CERS3: variants seen among roughly 807,000 people sequenced by gnomAD.
CERS3 encodes the protein LAG1 homolog, ceramide synthase 3.
A neutral mutation model predicts 50.3 loss-of-function variants in CERS3; 33 were observed. That is an observed-to-expected ratio of 0.66 (90% CI 0.50 to 0.88). The LOEUF (loss-of-function observed/expected upper bound fraction) is 0.88. CERS3 is among the 40% of genes least tolerant of loss of function. CERS3 has a pLI of 0.00. For synonymous variants in CERS3, 176 were observed against 155.2 expected (o/e 1.13, Z -0.99); for missense variants, 470 against 460.3 (o/e 1.02, Z -0.19).
At chr15:100,414,456 A>T (rs544630828) in intron 11 of CERS3, among the ~76,000 whole-genome samples, 8 of 152,312 alleles carry the variant, frequency 5.3e-5, no homozygotes, top group African/African-American at 1.9e-4. Context: ...ACCAAAAAAG[A>T]GCCTATATAG....
intron 2 of CERS3, among the ~76,000 whole-genome samples, chr15:100,514,004 A>G (rs1399026289): frequency 6.6e-6 from 1 of 152,148 alleles, no homozygotes; most frequent in Non-Finnish European, 1.5e-5. Context: ...GTAAGTGCTC[A>G]ATACATATAC....
intron 1 of CERS3, among the ~76,000 whole-genome samples, chr15:100,523,230 A>C (rs2036689220): frequency 6.6e-6 from 1 of 152,190 alleles, no homozygotes; most frequent in Non-Finnish European, 1.5e-5. Context: ...TGTTTGTTAC[A>C]TGCATAACAA....
chr15:100,467,234 C>G (rs1350075118), intron 10 of CERS3, among the ~76,000 whole-genome samples: 5 of 152,022 alleles, frequency 3.3e-5, no homozygotes, highest in South Asian at 2.1e-4. Flanking sequence ...ATAACTGTAA[C>G]CACACAAGAG....
intron 1 of CERS3, among the ~76,000 whole-genome samples, chr15:100,541,640 G>A (rs1299173784): frequency 2.6e-5 from 4 of 152,100 alleles, no homozygotes; most frequent in Non-Finnish European, 5.9e-5. Flanking sequence ...CTGTTTGAAC[G>A]TGTTCAGTAA....
At chr15:100,416,799 T>G (rs1412801525) in intron 11 of CERS3, among the ~76,000 whole-genome samples, 1 of 152,132 alleles carries the variant, frequency 6.6e-6, no homozygotes, top group Non-Finnish European at 1.5e-5. Flanking sequence ...AGATGAGATT[T>G]GAGTGAAGAC....
At chr15:100,466,602 G>A (rs1482568853) in intron 10 of CERS3, among the ~76,000 whole-genome samples, 1 of 152,086 alleles carries the variant, frequency 6.6e-6, no homozygotes, top group East Asian at 1.9e-4. Context: ...CCCTTGAAAT[G>A]CAGGTGCCAT....
At chr15:100,535,444 C>T (rs1220971944) in intron 1 of CERS3, among the ~76,000 whole-genome samples, 2 of 152,198 alleles carry the variant, frequency 1.3e-5, no homozygotes, top group Admixed American at 6.5e-5. Flanking sequence ...AGCATGACTG[C>T]CAAAACAGAC....
intron 11 of CERS3, among the ~76,000 whole-genome samples, chr15:100,404,920 C>A (rs900813533): frequency 2.0e-5 from 3 of 152,100 alleles, no homozygotes; most frequent in Non-Finnish European, 4.4e-5. Flanking sequence ...CATCTGTAAG[C>A]AAATAAGTAA....
intron 1 of CERS3, among the ~76,000 whole-genome samples, chr15:100,539,714 T>C (rs546425816): frequency 1.3e-5 from 2 of 152,270 alleles, no homozygotes; most frequent in African/African-American, 4.8e-5. Flanking sequence ...GAGATTTGGG[T>C]GGGGACACAA....
intron 11 of CERS3, among the ~76,000 whole-genome samples, chr15:100,429,944 T>A (rs116294440): frequency 4.6e-5 from 7 of 151,876 alleles, no homozygotes; most frequent in African/African-American, 9.6e-5. Context: ...TATTTTTTTT[T>A]ATATATTTAT....
Position 100,490,940 on chromosome 15 carries a change from A to G in CERS3, c.174-9T>C, listed in dbSNP as rs1252420714. 1 of 1,535,782 alleles carries G rather than the reference A, an allele frequency of 6.5e-7. No individual in the cohort carries two copies. Among genetic ancestry groups the G allele is most frequent in the South Asian group, 1.2e-5 (1 of 84,162 alleles). ...GAGGTGAAGCAACAAATCTACAAAA[A>G]TATGAAAAGAAAAAAAGTTCAAAAT... is the stretch of plus-strand genomic sequence containing the variant. On this transcript the variant is annotated splice_polypyrimidine_tract_variant and intron_variant, in intron 3 of 11. Transcript: ENST00000679737.
chr15:100,544,240 C>G (rs1318347053), intron 1 of CERS3: 1 of 152,294 alleles, frequency 6.6e-6, no homozygotes, highest in Admixed American at 6.5e-5. Flanking sequence ...GCACTGTCGC[C>G]CTGGAGCGCT....
At chr15:100,522,205 C>T (rs762781861) in intron 1 of CERS3, among the ~76,000 whole-genome samples, 3 of 152,178 alleles carry the variant, frequency 2.0e-5, no homozygotes, top group Non-Finnish European at 4.4e-5. Flanking sequence ...CCTGGTGTAA[C>T]AATTACAGTT....
intron 2 of CERS3, among the ~76,000 whole-genome samples, chr15:100,512,309 C>A (rs2036366544): frequency 6.6e-6 from 1 of 152,142 alleles, no homozygotes; most frequent in Non-Finnish European, 1.5e-5. Flanking sequence ...CATGTAGCAA[C>A]ATGGTGGGAG....
In CERS3 at chr15:100,402,853, C is replaced by G. The variant is rs755879593; in HGVS notation, c.1012G>C (p.Val338Leu). 1.9e-6 allele frequency: 3 copies of G among 1,601,054 alleles called. No homozygotes were observed. Among genetic ancestry groups the G allele is most frequent in the Non-Finnish European group, 2.6e-6 (3 of 1,172,658 alleles). The change falls in exon 12 of 12, where the codon GTG becomes CTG. Residue 338 changes from valine to leucine, a missense_variant. Val to Leu is a conservative substitution (Grantham distance 32, BLOSUM62 1). Transcript: ENST00000679737. ...RCIFMKSIQD[V>L]RSDDEDYEEE... ...TCATAATCCTCGTCATCACTCCTCA[C>G]ATCCTGGATGCTCTAGACAAAGGAA...
chr15:100,413,659 T>TA (rs35427083), intron 11 of CERS3, among the ~76,000 whole-genome samples: 4 of 150,792 alleles, frequency 2.7e-5, no homozygotes, highest in African/African-American at 7.3e-5. Flanking sequence ...GATAATATTG[T>TA]AAAAAAAGTT....
intron 4 of CERS3, among the ~76,000 whole-genome samples, chr15:100,486,846 T>C (rs1353367088): frequency 1.3e-5 from 2 of 151,832 alleles, no homozygotes; most frequent in African/African-American, 4.9e-5. Flanking sequence ...ACTAAAGTCC[T>C]TGTCTTTATT....
chr15:100,467,695 G>A (rs1396701224), intron 10 of CERS3, among the ~76,000 whole-genome samples: 1 of 150,544 alleles, frequency 6.6e-6, no homozygotes, highest in Non-Finnish European at 1.5e-5. Context: ...GAAAAGCTAT[G>A]CCCAACTGTC....
chr15:100,421,623 C>G (rs942351816), intron 11 of CERS3, among the ~76,000 whole-genome samples: 1 of 149,218 alleles, frequency 6.7e-6, no homozygotes, highest in African/African-American at 2.5e-5. Context: ...CCCGCATCGC[C>G]AAGTCAATCC....
Sources: gnomAD v4.1 joint callset for allele counts (sites outside exome capture counted in the v4.1 genomes callset) on GRCh38, gnomAD v4.1.1 for gene constraint, MANE v1.5 for transcripts, NCBI Gene and HGNC (gene_info 2026-07-23, HGNC 2026-07-21) for gene names.